The following TTN variants were observed in gnomAD, a reference collection of about 807,000 sequenced individuals.
The protein encoded by TTN is titin.
Under a neutral mutation model 3,223.0 loss-of-function variants are expected in TTN, and 1,525 were observed. That is an observed-to-expected ratio of 0.47 (90% CI 0.45 to 0.49). The LOEUF (loss-of-function observed/expected upper bound fraction) is 0.49. Among genes scored for constraint, TTN ranks in the 20% least tolerant of loss-of-function variants. The pLI, the probability that TTN is intolerant of heterozygous loss-of-function variation, is 0.00. For synonymous variants in TTN, 14,094 were observed against 15,161.0 expected (o/e 0.93, Z 5.17); for missense variants, 40,786 against 43,424.0 (o/e 0.94, Z 5.40).
chr2:178,529,448 T>C (rs1197376527), intron 359 of TTN: 3 of 375,514 alleles, frequency 8.0e-6, no homozygotes, highest in East Asian at 8.3e-5. Flanking sequence ...ATGATTCATA[T>C]GACTTAAGGA....
intron 253 of TTN, 72 bp from the exon 254 acceptor site, chr2:178,617,584 A>G (rs2057581094): frequency 7.2e-7 from 1 of 1,386,572 alleles, no homozygotes; most frequent in South Asian, 1.5e-5. Flanking sequence ...GTTGTAATCA[A>G]TTATATCATC....
chr2:178,770,749 A>G, intron 34 of TTN, 74 bp from the exon 35 acceptor site: 1 of 1,542,346 alleles, frequency 6.5e-7, no homozygotes, highest in Middle Eastern at 1.7e-4. Flanking sequence ...GAACAAGATC[A>G]TTGCTTACTC....
In TTN at chr2:178,530,283, A is replaced by T; in HGVS notation, c.106332T>A (p.Thr35444=). 1 of 1,612,336 alleles carries T rather than the reference A, an allele frequency of 6.2e-7. No individual in the cohort carries two copies. The highest frequency in any genetic ancestry group is 8.5e-7 in the Non-Finnish European group (1 of 1,178,656). ...DSVAKFAVKA[T]GEPRPTAIWT... ...AGATGGCAGTTGGCCGGGGTTCTCCAGTAGCCTTAACTGCAAATTTAGCAA... is the reference window on the plus strand; with the variant it reads ...AGATGGCAGTTGGCCGGGGTTCTCCTGTAGCCTTAACTGCAAATTTAGCAA... The change falls in exon 358 of 363, where the codon ACT becomes ACA. Residue 35444 remains threonine, a synonymous_variant. Transcript: ENST00000589042.
Position 178,538,679 on chromosome 2 carries a change from C to T in TTN, c.99150G>A (p.Lys33050=). The part of the protein sequence containing the change: ...SGDSAWKKSN[K]ERIKDKQFTI... Reference sequence around the variant, plus strand: ...TGAATTGCTTGTCCTTAATACGTTCCTTATTGCTCTTCTTCCAGGCACTGT... The same window carrying T: ...TGAATTGCTTGTCCTTAATACGTTCTTTATTGCTCTTCTTCCAGGCACTGT... Residue 33050 remains lysine (K), a synonymous_variant, in exon 354 of 363, where the codon AAG becomes AAA. Coordinates refer to ENST00000589042, the MANE Select transcript of TTN (RefSeq NM_001267550.2). 6.2e-7 allele frequency: 1 copy of T among 1,613,702 alleles called. No homozygotes were observed. Among genetic ancestry groups the T allele is most frequent in the Non-Finnish European group, 8.5e-7 (1 of 1,179,734 alleles).
chr2:178,618,708 A>G lies in TTN; in HGVS notation c.46842T>C (p.Asp15614=). The change falls in exon 251 of 363, where the codon GAT becomes GAC. Residue 15614 remains aspartate (D), a synonymous_variant. Transcript: ENST00000589042. ...TGAAAGAAGTTTGTTCAGCCGTAGTATCAATGGTTTTTGTAGATAAAGGTT... is the reference window on the plus strand; with the variant it reads ...TGAAAGAAGTTTGTTCAGCCGTAGTGTCAATGGTTTTTGTAGATAAAGGTT... ...ENEPLSTKTI[D]TTAEQTSFRI... The G allele has an allele frequency of 1.9e-6, 3 of 1,612,190 alleles. No homozygotes were observed. Among genetic ancestry groups the G allele is most frequent in the Non-Finnish European group, 1.7e-6 (2 of 1,178,940 alleles).
chr2:178,606,332 T>C (rs78151567), intron 278 of TTN, among the ~76,000 whole-genome samples: 390 of 152,052 alleles, frequency 2.6e-3, no homozygotes, highest in African/African-American at 9.1e-3. Context: ...CTGTGGTATA[T>C]TGGACGTTCA....
At chr2:178,711,745 T>C (rs1330337800) in intron 96 of TTN, among the ~76,000 whole-genome samples, 199 bp downstream of exon 96, 4 of 152,176 alleles carry the variant, frequency 2.6e-5, no homozygotes, top group African/African-American at 9.6e-5. Context: ...GATTGCATAA[T>C]CCTTCCAATT....
chr2:178,765,574 G>C (rs373195399), intron 41 of TTN, among the ~76,000 whole-genome samples: 2 of 152,112 alleles, frequency 1.3e-5, no homozygotes, highest in Non-Finnish European at 2.9e-5. Context: ...TGACCATTTG[G>C]TCTTCTAGGA....
intron 46 of TTN, 102 bp downstream of exon 46, chr2:178,756,119 GA>G: frequency 1.1e-6 from 1 of 875,918 alleles, no homozygotes; most frequent in Non-Finnish European, 1.8e-6. Flanking sequence ...CTAATTTAGA[GA>G]TATTCTAATT....
chr2:178,544,626 A>C, intron 344 of TTN, 120 bp from the exon 345 acceptor site: 1 of 773,904 alleles, frequency 1.3e-6, no homozygotes, highest in Non-Finnish European at 2.1e-6. Context: ...CACCAAGATA[A>C]TCTTTATTAA....
Position 178,530,775 on chromosome 2 carries a change from G to C in TTN, c.105840C>G (p.Leu35280=). ...KPTPTEKVQH[L]PVSAPPKITQ... Reference sequence around the variant, plus strand: ...TAATCTTTGGTGGGGCAGAGACTGGGAGGTGCTGAACTTTCTCTGTTGGTG... The same window carrying C: ...TAATCTTTGGTGGGGCAGAGACTGGCAGGTGCTGAACTTTCTCTGTTGGTG... The change falls in exon 358 of 363, where the codon CTC becomes CTG. Residue 35280 remains leucine, a synonymous_variant. Coordinates refer to ENST00000589042, the MANE Select transcript of TTN (RefSeq NM_001267550.2). 1 of 1,613,868 alleles carries C rather than the reference G, an allele frequency of 6.2e-7. No individual in the cohort carries two copies. Among genetic ancestry groups the C allele is most frequent in the Non-Finnish European group, 8.5e-7 (1 of 1,179,868 alleles).
chr2:178,720,498 A>T lies in TTN; in HGVS notation c.23264T>A (p.Phe7755Tyr). ...ATTAAGGATATGAAGACTTGTATCA[A>T]AATGTTTTGAAGTGATTTTAAATTT... ...SKKFKITSKH[F>Y]DTSLHILNLE... Residue 7755 changes from phenylalanine to tyrosine, a missense_variant, in exon 80 of 363, where the codon TTT (phenylalanine) becomes TAT (tyrosine). Transcript: ENST00000589042. 6.2e-7 allele frequency: 1 copy of T among 1,613,704 alleles called. No individual in the cohort carries two copies. Among genetic ancestry groups the T allele is most frequent in the Non-Finnish European group, 8.5e-7 (1 of 1,179,684 alleles).
intron 209 of TTN, 71 bp from the exon 210 acceptor site, chr2:178,650,342 G>T (rs954549946): frequency 1.5e-6 from 2 of 1,294,082 alleles, no homozygotes; most frequent in East Asian, 2.6e-5. Flanking sequence ...CACTAAACAC[G>T]ATAAATAGTA....
chr2:178,787,924 T>C (rs1033236846), intron 13 of TTN, among the ~76,000 whole-genome samples: 7 of 152,068 alleles, frequency 4.6e-5, no homozygotes, highest in Admixed American at 1.3e-4. Context: ...ACTAGAATAC[T>C]CCAATTCATA....
Position 178,756,354 on chromosome 2 carries a change from G to C in TTN, c.11122C>G (p.Gln3708Glu), listed in dbSNP as rs578181523. The C allele has an allele frequency of 3.7e-6, 6 of 1,613,830 alleles. No homozygotes were observed. Among genetic ancestry groups the C allele is most frequent in the Non-Finnish European group, 8.5e-7 (1 of 1,179,812 alleles). ...AKIEESERLK[Q>E]SQNGNIQFLT... Reference sequence around the variant, plus strand: ...AACTGAATATTTCCATTTTGTGATTGTTTCAGTCTCTCGGATTCCTCTATC... The same window carrying C: ...AACTGAATATTTCCATTTTGTGATTCTTTCAGTCTCTCGGATTCCTCTATC... Residue 3708 changes from glutamine to glutamate, a missense_variant, in exon 46 of 363, where the codon CAA becomes GAA. Gln to Glu is a conservative substitution (Grantham distance 29). Transcript: ENST00000589042.
intron 13 of TTN, among the ~76,000 whole-genome samples, chr2:178,787,814 G>T (rs2093283079): frequency 6.6e-6 from 1 of 151,922 alleles, no homozygotes; most frequent in Non-Finnish European, 1.5e-5. Context: ...ACACTTATTG[G>T]TGGACTACAA....
At position 178,785,879 on chromosome 2, in the gene TTN, G is replaced by A. The variant is rs1029087576; in HGVS notation, c.2339C>T (p.Thr780Ile). Residue 780 changes from threonine (T) to isoleucine (I), a missense_variant, in exon 14 of 363, where the codon ACT (threonine) becomes ATT (isoleucine). Coordinates refer to ENST00000589042, the MANE Select transcript of TTN (RefSeq NM_001267550.2). ...QAPSETHIKT[T>I]DQKGMHISSQ... ...TGATATGTGCATTCCCTTTTGATCAGTAGTTTTGATATGAGTCTCAGAAGG... is the reference window on the plus strand; with the variant it reads ...TGATATGTGCATTCCCTTTTGATCAATAGTTTTGATATGAGTCTCAGAAGG... 1.2e-6 allele frequency: 2 copies of A among 1,614,018 alleles called. No individual in the cohort carries two copies. The highest frequency in any genetic ancestry group is 1.7e-6 in the Non-Finnish European group (2 of 1,180,016).
Position 178,537,613 on chromosome 2 carries a change from A to G in TTN, c.99594T>C (p.Pro33198=). ...AATATTTCTCTTTCAGTGGGTAACCAGGATGGAACTGCGGTGTTGCTTGCA... is the reference window on the plus strand; with the variant it reads ...AATATTTCTCTTTCAGTGGGTAACCGGGATGGAACTGCGGTGTTGCTTGCA... ...LLLQATPQFH[P]GYPLKEKYYG... The change falls in exon 355 of 363, where the codon CCT becomes CCC. Residue 33198 remains proline, a synonymous_variant. Transcript: ENST00000589042. The G allele has an allele frequency of 6.2e-7, 1 of 1,613,664 alleles. No homozygotes were observed. Among genetic ancestry groups the G allele is most frequent in the Non-Finnish European group, 8.5e-7 (1 of 1,179,656 alleles).
At chr2:178,744,501 T>C in intron 47 of TTN, 1 of 869,682 alleles carries the variant, frequency 1.1e-6, no homozygotes, top group East Asian at 1.2e-4. Flanking sequence ...GTTATTTTAA[T>C]TTTAAAAGAC....
Sources: gnomAD v4.1 joint callset for allele counts (sites outside exome capture counted in the v4.1 genomes callset) on GRCh38, gnomAD v4.1.1 for gene constraint, MANE v1.5 for transcripts, NCBI Gene and HGNC (gene_info 2026-07-23, HGNC 2026-07-21) for gene names.